IFT56: variants seen among roughly 807,000 people sequenced by gnomAD.
IFT56 encodes intraflagellar transport 56.
the IFT56 span, among the ~76,000 whole-genome samples, chr7:139,165,421 G>A: frequency 2.0e-5 from 3 of 151,778 alleles, no homozygotes; most frequent in Admixed American, 6.6e-5. Flanking sequence ...CTCTTCTGTC[G>A]CTTCCTACCT....
At chr7:139,138,811 CTTTT>C in the IFT56 span, among the ~76,000 whole-genome samples, 1 of 136,474 alleles carries the variant, frequency 7.3e-6, no homozygotes. Flanking sequence ...TATGGATTTA[CTTTT>C]TTTTTTTTTT....
chr7:139,181,379 A>G, the IFT56 span, among the ~76,000 whole-genome samples: 2 of 152,268 alleles, frequency 1.3e-5, no homozygotes, highest in Non-Finnish European at 2.9e-5. Flanking sequence ...GCAGTATTTC[A>G]GAGATTTACA....
the IFT56 span, among the ~76,000 whole-genome samples, chr7:139,175,351 T>C: frequency 4.6e-5 from 7 of 152,182 alleles, no homozygotes; most frequent in Non-Finnish European, 7.4e-5. Flanking sequence ...GACCATATGA[T>C]ACAGAAATCT....
chr7:139,138,829 G>A, the IFT56 span, among the ~76,000 whole-genome samples: 1 of 64,560 alleles, frequency 1.5e-5, no homozygotes, highest in African/African-American at 7.5e-5. Context: ...TTTTTTTTTT[G>A]ATACGGAGTC....
the IFT56 span, among the ~76,000 whole-genome samples, chr7:139,183,390 G>T: frequency 6.6e-6 from 1 of 152,150 alleles, no homozygotes; most frequent in South Asian, 2.1e-4. Flanking sequence ...GTAGGTGAAG[G>T]CTAGAGAAGC....
the IFT56 span, among the ~76,000 whole-genome samples, chr7:139,179,158 G>A: frequency 2.6e-5 from 4 of 152,192 alleles, no homozygotes; most frequent in Non-Finnish European, 4.4e-5. Flanking sequence ...AAAGTGGGAG[G>A]ATCACTTGAG....
the IFT56 span, among the ~76,000 whole-genome samples, chr7:139,146,510 G>A: frequency 6.6e-6 from 1 of 152,186 alleles, no homozygotes; most frequent in East Asian, 1.9e-4. Flanking sequence ...GTTCACACCT[G>A]TAATCCCAGC....
chr7:139,151,758 T>C, the IFT56 span, among the ~76,000 whole-genome samples: 3 of 152,258 alleles, frequency 2.0e-5, no homozygotes, highest in African/African-American at 7.2e-5. Context: ...GCTTTCTGTA[T>C]CTTGTTTAAG....
chr7:139,141,134 G>A, the IFT56 span, among the ~76,000 whole-genome samples: 8 of 151,598 alleles, frequency 5.3e-5, no homozygotes, highest in Non-Finnish European at 8.8e-5. Flanking sequence ...GGTGGCGGGC[G>A]CCTGTAGTCC....
chr7:139,180,292 C>T, the IFT56 span, among the ~76,000 whole-genome samples: 1 of 152,018 alleles, frequency 6.6e-6, no homozygotes, highest in Non-Finnish European at 1.5e-5. Flanking sequence ...GGGGAGATCA[C>T]GCCACTGCAC....
At chr7:139,184,781 G>A in the IFT56 span, among the ~76,000 whole-genome samples, 3 of 152,164 alleles carry the variant, frequency 2.0e-5, no homozygotes, top group South Asian at 2.1e-4. Context: ...CAGGCCGGGC[G>A]TGGTGGCTGA....
chr7:139,133,921 G>A, the IFT56 span: 2 of 1,602,868 alleles, frequency 1.2e-6, no homozygotes, highest in Non-Finnish European at 8.5e-7. Context: ...GCGATTAGAG[G>A]TTCCCAGCAC....
the IFT56 span, chr7:139,166,974 T>C: frequency 1.1e-6 from 1 of 890,388 alleles, no homozygotes; most frequent in Admixed American, 1.8e-5. Flanking sequence ...GGAAGTCATA[T>C]TAGAGAAGAT....
At chr7:139,138,567 C>T in the IFT56 span, among the ~76,000 whole-genome samples, 38,298 of 151,960 alleles carry the variant, frequency 0.25, 8,558 homozygotes, top group African/African-American at 0.57. Context: ...TGAGATTGTA[C>T]AACATATTGG....
chr7:139,155,808 C>T, the IFT56 span, among the ~76,000 whole-genome samples: 36 of 151,970 alleles, frequency 2.4e-4, no homozygotes, highest in African/African-American at 8.0e-4. Flanking sequence ...GGAAAAGTTC[C>T]GTCTTCTGTG....
At chr7:139,180,197 C>T in the IFT56 span, among the ~76,000 whole-genome samples, 2 of 152,002 alleles carry the variant, frequency 1.3e-5, no homozygotes, top group African/African-American at 2.4e-5. Flanking sequence ...ATTAGCCGGG[C>T]GCGGTGGTGG....
the IFT56 span, among the ~76,000 whole-genome samples, chr7:139,153,046 G>A: frequency 7.9e-5 from 12 of 151,994 alleles, no homozygotes; most frequent in African/African-American, 2.9e-4. Flanking sequence ...CTACTTGGGA[G>A]GCTGAGGCAG....
the IFT56 span, chr7:139,173,514 C>A: frequency 1.3e-6 from 1 of 747,156 alleles, no homozygotes. Context: ...CAGGTGTGAG[C>A]CACCGCACCC....
the IFT56 span, among the ~76,000 whole-genome samples, chr7:139,183,203 T>A: frequency 1.5e-4 from 23 of 150,780 alleles, no homozygotes; most frequent in Non-Finnish European, 2.1e-4. Flanking sequence ...GGGAATAGGG[T>A]TAACATCAAA....
Sources: gnomAD v4.1 joint callset for allele counts (sites outside exome capture counted in the v4.1 genomes callset) on GRCh38, gnomAD v4.1.1 for gene constraint, MANE v1.5 for transcripts, NCBI Gene and HGNC (gene_info 2026-07-23, HGNC 2026-07-21) for gene names.